EIF4G3: variants seen among roughly 807,000 people sequenced by gnomAD.
The protein encoded by EIF4G3 is eIF-4-gamma 3.
EIF4G3 carries 34 observed loss-of-function variants against 186.4 expected under a neutral mutation model. That is an observed-to-expected ratio of 0.18 (90% CI 0.14 to 0.24). EIF4G3 has a LOEUF of 0.24. EIF4G3 is among the 10% of genes least tolerant of loss of function. The pLI is 1.00. For missense variants in EIF4G3, 1,536 were observed against 1,948.5 expected (o/e 0.79, Z 3.99); for synonymous variants, 673 against 679.5 (o/e 0.99, Z 0.15).
chr1:20,875,382 C>T (rs143378520), intron 20 of EIF4G3, among the ~76,000 whole-genome samples: 1 of 152,270 alleles, frequency 6.6e-6, no homozygotes, highest in African/African-American at 2.4e-5. Flanking sequence ...ATTTGTATAC[C>T]TTTCTGTAAG....
At position 20,862,266 on chromosome 1, in the gene EIF4G3, T is replaced by C. The variant is rs1297266088; in HGVS notation, c.3073A>G (p.Ile1025Val). ...ATAACATCTTGAAGCATGAACCGAA[T>C]CCTAGATGAGGTTTTTCTTTCTTTC... ...IVKERKTSSR[I>V]RFMLQDVIDL... Residue 1025 changes from isoleucine (I) to valine (V), a missense_variant, in exon 23 of 37, where the codon ATT becomes GTT. Physicochemically the swap from Ile to Val is conservative, Grantham distance 29. Coordinates refer to ENST00000602326, the MANE Select transcript of EIF4G3 (RefSeq NM_001391906.1). 1.2e-6 allele frequency: 2 copies of C among 1,612,734 alleles called. No individual in the cohort carries two copies. The highest frequency in any genetic ancestry group is 1.7e-5 in the Admixed American group (1 of 59,894).
At chr1:20,990,157 G>A (rs184314610) in intron 7 of EIF4G3, among the ~76,000 whole-genome samples, 8 of 152,286 alleles carry the variant, frequency 5.3e-5, no homozygotes, top group Admixed American at 3.3e-4. Context: ...ATGGGTGACA[G>A]AGCAAGACTC....
At chr1:21,133,860 G>T (rs920798263) in intron 2 of EIF4G3, among the ~76,000 whole-genome samples, 3 of 152,094 alleles carry the variant, frequency 2.0e-5, no homozygotes, top group African/African-American at 7.2e-5. Flanking sequence ...AATAATCTAA[G>T]TATTGTCATT....
At chr1:21,009,172 T>C (rs1182926522) in intron 4 of EIF4G3, among the ~76,000 whole-genome samples, 2 of 152,202 alleles carry the variant, frequency 1.3e-5, no homozygotes, top group African/African-American at 2.4e-5. Flanking sequence ...ATAAGTGTGT[T>C]TATTCATTTT....
chr1:20,931,456 G>A (rs185882687), intron 14 of EIF4G3, among the ~76,000 whole-genome samples: 1 of 152,168 alleles, frequency 6.6e-6, no homozygotes, highest in Admixed American at 6.5e-5. Context: ...TCCATTTATA[G>A]AGCATAGGAA....
chr1:21,041,712 A>G (rs963682002), intron 4 of EIF4G3, among the ~76,000 whole-genome samples: 1 of 152,228 alleles, frequency 6.6e-6, no homozygotes, highest in African/African-American at 2.4e-5. Context: ...TGGTTTCTGC[A>G]ATATGTCACC....
intron 12 of EIF4G3, among the ~76,000 whole-genome samples, chr1:20,966,382 T>A (rs1464049171): frequency 6.6e-6 from 1 of 152,224 alleles, no homozygotes; most frequent in Non-Finnish European, 1.5e-5. Context: ...AGATTGCTAT[T>A]TTGTTAAGGA....
rs1207503024 is a variant in EIF4G3, at chr1:20,941,964, C to T, written c.1190G>A (p.Ser397Asn). The T allele has an allele frequency of 1.2e-6, 2 of 1,614,138 alleles. No homozygotes were observed. Among genetic ancestry groups the T allele is most frequent in the Admixed American group, 1.7e-5 (1 of 60,008 alleles). Residue 397 changes from serine to asparagine, a missense_variant, in exon 14 of 37, where the codon AGT becomes AAT. Coordinates refer to ENST00000602326, the MANE Select transcript of EIF4G3 (RefSeq NM_001391906.1). Reference protein sequence around the residue: ...NDDDICKKPCSVAPNDIPLVS... With the variant: ...NDDDICKKPCNVAPNDIPLVS... ...CAGTGGAATATCATTAGGTGCTACA[C>T]TACAGGGTTTCTTGCATATATCATC... is the stretch of plus-strand genomic sequence containing the variant.
chr1:21,006,430 T>C (rs925491806), intron 4 of EIF4G3, among the ~76,000 whole-genome samples: 7 of 152,240 alleles, frequency 4.6e-5, no homozygotes, highest in Admixed American at 6.5e-5. Flanking sequence ...TATTTACTTC[T>C]TCAAGGACAT....
chr1:20,892,490 A>T, intron 18 of EIF4G3: 1 of 729,898 alleles, frequency 1.4e-6, no homozygotes, highest in Non-Finnish European at 2.3e-6. Context: ...GTTTACCAAT[A>T]CTGCACTCTT....
chr1:21,010,419 C>CAAA (rs11318361), intron 4 of EIF4G3, among the ~76,000 whole-genome samples: 3 of 101,154 alleles, frequency 3.0e-5, no homozygotes, highest in African/African-American at 1.2e-4. Flanking sequence ...GACTCTGTCT[C>CAAA]AAAAAAAAAA....
At chr1:21,002,246 A>AC (rs1027880455) in intron 5 of EIF4G3, among the ~76,000 whole-genome samples, 45 of 152,174 alleles carry the variant, frequency 3.0e-4, no homozygotes, top group African/African-American at 1.0e-3. Flanking sequence ...TCATGCATAT[A>AC]CCCACACTGT....
intron 14 of EIF4G3, among the ~76,000 whole-genome samples, chr1:20,921,022 G>A (rs2094455114): frequency 6.6e-6 from 1 of 151,954 alleles, no homozygotes; most frequent in Admixed American, 6.5e-5. Flanking sequence ...TAATAGAACT[G>A]TTTATAAAAA....
At chr1:20,969,017 T>C (rs1045656736) in intron 12 of EIF4G3, among the ~76,000 whole-genome samples, 11 of 152,228 alleles carry the variant, frequency 7.2e-5, no homozygotes. Flanking sequence ...ATACCTGTTA[T>C]ACATCCTAAT....
chr1:20,945,019 A>C (rs2095877364), intron 13 of EIF4G3, among the ~76,000 whole-genome samples: 1 of 152,196 alleles, frequency 6.6e-6, no homozygotes, highest in Non-Finnish European at 1.5e-5. Flanking sequence ...CAAACAAAAC[A>C]AAACAAAACA....
intron 4 of EIF4G3, among the ~76,000 whole-genome samples, chr1:21,036,906 T>G (rs1232640050): frequency 6.6e-6 from 1 of 152,090 alleles, no homozygotes; most frequent in Admixed American, 6.5e-5. Context: ...TAAAAGCTTA[T>G]TTATGAGTTA....
rs566662182 is a variant in EIF4G3, at chr1:21,127,810, A to C, written c.-271-38597T>G. ...CACAAGAAAAACAGTATCTATGTTAAAGATAGATGTCTTATAAATTGCACA... is the reference window on the plus strand; with the variant it reads ...CACAAGAAAAACAGTATCTATGTTACAGATAGATGTCTTATAAATTGCACA... On this transcript the variant is annotated intron_variant, in intron 2 of 36. Coordinates refer to ENST00000602326, the MANE Select transcript of EIF4G3 (RefSeq NM_001391906.1). Among the ~76,000 whole-genome samples, 7 of 152,362 alleles carry C rather than the reference A, an allele frequency of 4.6e-5. 1 individual carries two copies. In the South Asian group the frequency reaches 1.4e-3, roughly 32 times the overall value.
In EIF4G3 at chr1:20,899,636, A is replaced by G; in HGVS notation, c.1999+61T>C. ...CAGTATCTCTCTAAAAAGAGGCAAC[A>G]TTTCTCTAAGGTTGCAGTAGAGGGA... On this transcript the variant is annotated intron_variant, in intron 16 of 36. Transcript: ENST00000602326. The G allele has an allele frequency of 1.1e-5, 18 of 1,574,342 alleles. No individual in the cohort carries two copies. In the South Asian group the frequency reaches 2.0e-4, roughly 17 times the overall value.
rs562865162 is a variant in EIF4G3 at position 20,934,660 on chromosome 1, ATTCACACCACTGTAAGTGGTGTGATCT to A, written c.1663+6804_1663+6830del. On this transcript the variant is annotated intron_variant, in intron 14 of 36. Transcript: ENST00000602326. ...ATGGACAGTGTGAATTTGTAGTTGC[ATTCACACCACTGTAAGTGGTGTGATCT>A]TCTCCAGTAGTGCTCTGCCTACTGG... Among the ~76,000 whole-genome samples, 12 of 152,260 alleles carry A rather than the reference ATTCACACCACTGTAAGTGGTGTGATCT, an allele frequency of 7.9e-5. No individual in the cohort carries two copies. In the South Asian group the frequency reaches 2.5e-3, roughly 32 times the overall value.
Sources: gnomAD v4.1 joint callset for allele counts (sites outside exome capture counted in the v4.1 genomes callset) on GRCh38, gnomAD v4.1.1 for gene constraint, MANE v1.5 for transcripts, NCBI Gene and HGNC (gene_info 2026-07-23, HGNC 2026-07-21) for gene names.